The following NDST2 variants were observed in gnomAD, a reference collection of about 807,000 sequenced individuals.
NDST2 encodes N-deacetylase and N-sulfotransferase 2, also known as bifunctional heparan sulfate N-deacetylase/N-sulfotransferase 2.
NDST2 carries 32 observed loss-of-function variants against 86.9 expected under a neutral mutation model. That is an observed-to-expected ratio of 0.37 (90% CI 0.28 to 0.49). The LOEUF is 0.49. NDST2 is among the 20% of genes least tolerant of loss of function. The probability of loss-of-function intolerance (pLI) is 0.97; values close to 1 mark genes in which losing one functional copy is unlikely to be tolerated. For synonymous variants in NDST2, 409 were observed against 437.0 expected (o/e 0.94, Z 0.80); for missense variants, 950 against 1,146.9 (o/e 0.83, Z 2.48).
Position 73,801,968 on chromosome 10 carries a change from A to C in NDST2, c.*483T>G. 1 of 375,056 alleles carries C rather than the reference A, an allele frequency of 2.7e-6. No individual in the cohort carries two copies. Among genetic ancestry groups the C allele is most frequent in the Non-Finnish European group, 5.0e-6 (1 of 200,748 alleles). 23.2% of individuals were successfully genotyped at this position (375,056 alleles called of 1,614,324 possible). ...TTTCTAGCCCACAGCTAGGGCTCATACTCGGCTCTATGAGCCACTGTCCGA... is the reference window on the plus strand; with the variant it reads ...TTTCTAGCCCACAGCTAGGGCTCATCCTCGGCTCTATGAGCCACTGTCCGA... On this transcript the variant is annotated 3_prime_UTR_variant, in exon 15 of 15. Transcript: ENST00000309979. The surrounding 1 kb of genome is among the most constrained non-coding windows in gnomAD (Gnocchi z 4.9).
chr10:73,803,148 G>C (rs1156568100), intron 12 of NDST2, 41 bp downstream of exon 12: 7 of 1,613,636 alleles, frequency 4.3e-6, no homozygotes, highest in Non-Finnish European at 5.9e-6. Context: ...GGAAGAAGAG[G>C]GGAAGGGGAA....
intron 9 of NDST2, 34 bp from the exon 10 acceptor site, chr10:73,804,050 C>T (rs1384137831): frequency 6.2e-7 from 1 of 1,604,348 alleles, no homozygotes; most frequent in Non-Finnish European, 8.5e-7. Flanking sequence ...TTCAGGCAGC[C>T]ATTGTGGGAG....
chr10:73,802,778 T>C lies in NDST2; in HGVS notation c.2424-2A>G, dbSNP rs766514884. The C allele has an allele frequency of 1.2e-6, 2 of 1,613,652 alleles. No homozygotes were observed. The highest frequency in any genetic ancestry group is 1.7e-6 in the Non-Finnish European group (2 of 1,179,598). On this transcript the variant is annotated splice_acceptor_variant, in intron 13 of 14. Transcript: ENST00000309979. LOFTEE classifies it high-confidence loss of function. ...CAAAATCCCTTATCATCATCAAACC[T>C]GCTCAACAGGAAGAGGCCATGAGGT...
rs2084095041 is a variant in NDST2, at chr10:73,805,949, T to G, written c.1514A>C (p.Asp505Ala). 54 of 1,614,184 alleles carry G rather than the reference T, an allele frequency of 3.3e-5. No individual in the cohort carries two copies. Among genetic ancestry groups the G allele is most frequent in the Non-Finnish European group, 4.5e-5 (53 of 1,180,036 alleles). Reference sequence around the variant, plus strand: ...GAGCTCTCCACCTCGGATGCTCCGGTCTAGTTCACGAGAGCCTCCAGGATA... The same window carrying G: ...GAGCTCTCCACCTCGGATGCTCCGGGCTAGTTCACGAGAGCCTCCAGGATA... ...NEYPGGSRELDRSIRGGELFL... is the reference protein window; with the variant it reads ...NEYPGGSRELARSIRGGELFL... Residue 505 changes from aspartate to alanine, a missense_variant, in exon 7 of 15, where the codon GAC (aspartate) becomes GCC (alanine). Asp to Ala is a moderately radical substitution (Grantham distance 126, BLOSUM62 -2). Coordinates refer to ENST00000309979, the MANE Select transcript of NDST2 (RefSeq NM_003635.4).
Position 73,806,555 on chromosome 10 carries a change from A to T in NDST2, c.1249-81T>A. 1.9e-6 allele frequency: 3 copies of T among 1,555,602 alleles called. No homozygotes were observed. Among genetic ancestry groups the T allele is most frequent in the South Asian group, 2.4e-5 (2 of 83,862 alleles). On this transcript the variant is annotated intron_variant, in intron 5 of 14. Coordinates refer to ENST00000309979, the MANE Select transcript of NDST2 (RefSeq NM_003635.4). This position sits in a 1 kb window ranked among gnomAD's most constrained non-coding sequence, Gnocchi z 4.5. ...AAAGAGGGTGGGGAAGCCTCCAAAT[A>T]AAGAAAAACGCAAAGGATAGGAAAA... is the stretch of plus-strand genomic sequence containing the variant.
At position 73,805,993 on chromosome 10, in the gene NDST2, G is replaced by C. The variant is rs761526655; in HGVS notation, c.1470C>G (p.His490Gln). 12 of 1,614,198 alleles carry C rather than the reference G, an allele frequency of 7.4e-6. No homozygotes were observed. The highest frequency in any genetic ancestry group is 1.0e-5 in the Non-Finnish European group (12 of 1,180,028). The part of the protein sequence containing the change: ...LPRQTCGLFT[H>Q]TIFYNEYPGG... ...CAGGATACTCATTATAGAAGATTGT[G>C]TGAGTGAAGAGGCCACATGTCTGCC... is the stretch of plus-strand genomic sequence containing the variant. Residue 490 changes from histidine (H) to glutamine (Q), a missense_variant, in exon 7 of 15, where the codon CAC becomes CAG. This residue lies in a region of NDST2 where 586 missense variants were observed against 714.0 expected (regional missense o/e 0.82). Transcript: ENST00000309979.
rs201495217 is a variant in NDST2, at chr10:73,803,665, A to G, written c.2051T>C (p.Val684Ala). The part of the protein sequence containing the change: ...EKSATYFDSE[V>A]VPRRGAALLP... ...GAGGGCAGCCCCCCGCCGTGGTACA[A>G]CTTCAGAGTCAAAGTAGGTGGCACT... Residue 684 changes from valine to alanine, a missense_variant, in exon 11 of 15, where the codon GTT (valine) becomes GCT (alanine). Around this residue, in one of 5 missense-constraint regions of NDST2, gnomAD observed 303 missense variants for 323.7 expected, o/e 0.94. Transcript: ENST00000309979. 10 of 1,614,040 alleles carry G rather than the reference A, an allele frequency of 6.2e-6. No homozygotes were observed. The highest frequency in any genetic ancestry group is 4.5e-5 in the East Asian group (2 of 44,878).
chr10:73,803,832 G>A, intron 10 of NDST2, 61 bp downstream of exon 10: 1 of 1,613,594 alleles, frequency 6.2e-7, no homozygotes, highest in Non-Finnish European at 8.5e-7. Context: ...AAGCTGGAAT[G>A]GGGTATTTTG....
In NDST2 at chr10:73,806,039, A is replaced by T; in HGVS notation, c.1435-11T>A. The T allele has an allele frequency of 6.2e-7, 1 of 1,612,156 alleles. No individual in the cohort carries two copies. The highest frequency in any genetic ancestry group is 8.5e-7 in the Non-Finnish European group (1 of 1,179,438). On this transcript the variant is annotated splice_polypyrimidine_tract_variant and intron_variant, in intron 6 of 14. Coordinates refer to ENST00000309979, the MANE Select transcript of NDST2 (RefSeq NM_003635.4). The surrounding 1 kb of genome is among the most constrained non-coding windows in gnomAD (Gnocchi z 4.5). ...CTGCCGGGGCAGCACCTGGAGGGAA[A>T]AGAAAAAACAGATGAGATTTGAAAG...
intron 7 of NDST2, 32 bp from the exon 8 acceptor site, chr10:73,805,801 G>A: frequency 6.2e-7 from 1 of 1,613,598 alleles, no homozygotes; most frequent in Non-Finnish European, 8.5e-7. Context: ...CAGATTTGGA[G>A]AGCCTACCCC....
Position 73,802,896 on chromosome 10 carries a change from A to G in NDST2, c.2423+76T>C, listed in dbSNP as rs1401175132. 4 of 1,515,440 alleles carry G rather than the reference A, an allele frequency of 2.6e-6. No homozygotes were observed. In the Admixed American group the frequency reaches 5.0e-5, roughly 19 times the overall value. The allele number at this position is 1,515,440 out of a possible 1,614,324, so 93.9% of individuals were successfully genotyped here. ...TCTCCTTGTGAGACAGAGTAAATCTATGTCTCTAACAGACATGGTCAACCT... is the reference window on the plus strand; with the variant it reads ...TCTCCTTGTGAGACAGAGTAAATCTGTGTCTCTAACAGACATGGTCAACCT... On this transcript the variant is annotated intron_variant, in intron 13 of 14. Coordinates refer to ENST00000309979, the MANE Select transcript of NDST2 (RefSeq NM_003635.4).
In NDST2 at chr10:73,805,722, C is replaced by T; in HGVS notation, c.1611G>A (p.Leu537=). The stretch of plus-strand genomic sequence containing the variant: ...CCAAGCTCTCAAAGGTGTATAGGCC[C>T]AGCCGGTCATTTCCATAATTGGACA... ...THLSNYGNDR[L]GLYTFESLVR... The change falls in exon 8 of 15, where the codon CTG becomes CTA. Residue 537 remains leucine (L), a synonymous_variant. Transcript: ENST00000309979. 1 of 1,614,212 alleles carries T rather than the reference C, an allele frequency of 6.2e-7. No homozygotes were observed. The highest frequency in any genetic ancestry group is 8.5e-7 in the Non-Finnish European group (1 of 1,180,032).
At chr10:73,809,003 G>A (rs1358288923) in intron 2 of NDST2, 1 of 152,290 alleles carries the variant, frequency 6.6e-6, no homozygotes, top group East Asian at 1.9e-4. Context: ...GCAAATGATA[G>A]GAACAAATCT....
chr10:73,802,823 C>G (rs2084017117), intron 13 of NDST2, 47 bp from the exon 14 acceptor site: 4 of 1,582,994 alleles, frequency 2.5e-6, no homozygotes, highest in Non-Finnish European at 3.5e-6. Flanking sequence ...AAGAGAAACT[C>G]AAGTTCCATA....
intron 10 of NDST2, 36 bp downstream of exon 10, chr10:73,803,857 T>G: frequency 6.2e-7 from 1 of 1,613,990 alleles, no homozygotes; most frequent in Non-Finnish European, 8.5e-7. Flanking sequence ...AAGGGAGTGT[T>G]CCTCTGAGAA....
chr10:73,803,573 C>G lies in NDST2; in HGVS notation c.2142+1G>C, dbSNP rs2084045446. On this transcript the variant is annotated splice_donor_variant, in intron 11 of 14. Coordinates refer to ENST00000309979, the MANE Select transcript of NDST2 (RefSeq NM_003635.4). LOFTEE classifies it high-confidence loss of function. ...CTGTGTGTCCCTAGCTTCAGGCAGA[C>G]CTGGTACCAGGAGTAGGCCCTGTCA... The G allele has an allele frequency of 6.4e-7, 1 of 1,564,724 alleles. No individual in the cohort carries two copies. Among genetic ancestry groups the G allele is most frequent in the African/African-American group, 1.4e-5 (1 of 72,544 alleles).
In NDST2 at chr10:73,802,590, A is replaced by T; in HGVS notation, c.2527-14T>A. The T allele has an allele frequency of 1.1e-5, 18 of 1,614,200 alleles. No homozygotes were observed. The highest frequency in any genetic ancestry group is 1.4e-5 in the Non-Finnish European group (17 of 1,180,038). ...GAAAAGACGGGACTGACAGGAGAAA[A>T]TGAAGGCAGAAATGGTAAGAAGTGG... On this transcript the variant is annotated splice_polypyrimidine_tract_variant and intron_variant, in intron 14 of 14. Coordinates refer to ENST00000309979, the MANE Select transcript of NDST2 (RefSeq NM_003635.4).
rs762937581 is a variant in NDST2 at position 73,806,259 on chromosome 10, T to C, written c.1434+30A>G. 9.9e-6 allele frequency: 16 copies of C among 1,612,020 alleles called. No homozygotes were observed. The South Asian group carries it at 1.4e-4, about 14-fold the overall frequency. ...TGAAAGCTGTCTAAATGTTAGAGTT[T>C]GATTCAAGCCTGTATTGGGAGTCCC... On this transcript the variant is annotated intron_variant, in intron 6 of 14. Transcript: ENST00000309979. The surrounding 1 kb of genome is among the most constrained non-coding windows in gnomAD (Gnocchi z 4.5).
chr10:73,807,239 G>T, intron 3 of NDST2, 44 bp from the exon 4 acceptor site: 1 of 1,575,336 alleles, frequency 6.3e-7, no homozygotes, highest in Non-Finnish European at 8.7e-7. Context: ...AGAGCAGACT[G>T]AACAGGAAAT....
Sources: allele counts gnomAD v4.1 joint callset, GRCh38; gene constraint gnomAD v4.1.1; regional missense constraint gnomAD v4.1.1; non-coding constraint Gnocchi (gnomAD v3.1); transcripts MANE v1.5; gene names NCBI Gene and HGNC (gene_info 2026-07-23, HGNC 2026-07-21).